The following TMED8 variants were observed in gnomAD, a reference collection of about 807,000 sequenced individuals.
TMED8 encodes the protein transmembrane p24 trafficking protein family member 8.
A neutral mutation model predicts 32.7 loss-of-function variants in TMED8; 15 were observed. The ratio of observed to expected loss-of-function variants is 0.46; its 90% CI spans 0.31 to 0.71. The LOEUF is 0.71. Among genes scored for constraint, TMED8 ranks in the 30% least tolerant of loss-of-function variants. The pLI is 0.06. For missense variants in TMED8, 390 were observed against 423.9 expected (o/e 0.92, Z 0.70); for synonymous variants, 147 against 161.4 (o/e 0.91, Z 0.68).
Position 77,358,475 on chromosome 14 carries a change from T to C in TMED8, c.119-6724A>G, listed in dbSNP as rs554087581. Among the ~76,000 whole-genome samples the C allele has an allele frequency of 2.1e-4, 32 of 152,060 alleles. 1 individual carries two copies. Among genetic ancestry groups the C allele is most frequent in the African/African-American group, 7.5e-4 (31 of 41,480 alleles). On this transcript the variant is annotated intron_variant, in intron 1 of 5. Coordinates refer to ENST00000216468, the MANE Select transcript of TMED8 (RefSeq NM_213601.3). Reference sequence around the variant, plus strand: ...CACCACGCCCAGCTAATTTTTGTATTTTTAGTAGAGACAGGGTTTCACCAT... The same window carrying C: ...CACCACGCCCAGCTAATTTTTGTATCTTTAGTAGAGACAGGGTTTCACCAT...
intron 1 of TMED8, among the ~76,000 whole-genome samples, chr14:77,370,029 G>T (rs1011357988): frequency 3.9e-5 from 6 of 151,986 alleles, no homozygotes; most frequent in African/African-American, 1.4e-4. Context: ...AAAATTAGCC[G>T]GGCGTGGTGG....
At chr14:77,346,569 T>C (rs1473016969) in intron 2 of TMED8, 91 bp from the exon 3 acceptor site, 3 of 1,495,844 alleles carry the variant, frequency 2.0e-6, no homozygotes, top group Non-Finnish European at 2.8e-6. Flanking sequence ...ACATTCGAGA[T>C]ACCCCCTGCC....
In TMED8 at chr14:77,339,855, A is replaced by G. The variant is rs1464678433; in HGVS notation, c.*1916T>C. The stretch of plus-strand genomic sequence containing the variant: ...CTATCCCACTTGGGGCTTTGCTCCG[A>G]GGGGAAGAGCAGGTGCAGGATATAT... On this transcript the variant is annotated 3_prime_UTR_variant, in exon 6 of 6. Transcript: ENST00000216468. The G allele has an allele frequency of 6.6e-6, 1 of 152,210 alleles. No individual in the cohort carries two copies. Among genetic ancestry groups the G allele is most frequent in the Non-Finnish European group, 1.5e-5 (1 of 68,028 alleles). 9.4% of individuals were successfully genotyped at this position (152,210 alleles called of 1,614,324 possible). A position where few individuals can be genotyped will look rare whatever the true frequency, so the allele number is the denominator to read the frequency against.
chr14:77,351,782 ATC>A (rs772073885), intron 1 of TMED8, 31 bp from the exon 2 acceptor site: 1 of 1,554,538 alleles, frequency 6.4e-7, no homozygotes, highest in Non-Finnish European at 8.8e-7. Context: ...AGAATTCAAT[ATC>A]TGAGAGGGAA....
chr14:77,355,964 A>G (rs1466872396), intron 1 of TMED8, among the ~76,000 whole-genome samples: 1 of 152,226 alleles, frequency 6.6e-6, no homozygotes, highest in Non-Finnish European at 1.5e-5. Context: ...ATAAAAGCAG[A>G]TGACTAAGCA....
intron 1 of TMED8, among the ~76,000 whole-genome samples, chr14:77,358,831 T>C (rs1242002237): frequency 1.3e-5 from 2 of 152,222 alleles, no homozygotes; most frequent in Admixed American, 6.5e-5. Context: ...AGGAAATACA[T>C]ATACATATAG....
intron 1 of TMED8, among the ~76,000 whole-genome samples, chr14:77,360,616 T>C (rs781706827): frequency 6.6e-6 from 1 of 152,216 alleles, no homozygotes; most frequent in African/African-American, 2.4e-5. Flanking sequence ...AACGGACACA[T>C]AGATTGTTTT....
intron 1 of TMED8, among the ~76,000 whole-genome samples, chr14:77,372,914 A>T (rs1408056261): frequency 0.21 from 1,845 of 8,744 alleles, 132 homozygotes; most frequent in Admixed American, 0.26. Flanking sequence ...TATTATATAT[A>T]TATATATATA....
chr14:77,347,235 G>A (rs1352079868), intron 2 of TMED8, among the ~76,000 whole-genome samples: 1 of 152,150 alleles, frequency 6.6e-6, no homozygotes, highest in Admixed American at 6.5e-5. Context: ...CTGGCTAGAA[G>A]CAAAAGGAGG....
downstream of TMED8, chr14:77,335,028 G>A (rs1003786412): frequency 6.6e-6 from 1 of 152,146 alleles, no homozygotes; most frequent in Non-Finnish European, 1.5e-5. Context: ...ATGTTACCAG[G>A]TGCATAGTGA....
intron 1 of TMED8, among the ~76,000 whole-genome samples, chr14:77,361,236 C>A (rs1362478702): frequency 6.6e-6 from 1 of 152,146 alleles, no homozygotes; most frequent in African/African-American, 2.4e-5. Flanking sequence ...CCCACCTTGG[C>A]CTCCCAAAGT....
Position 77,338,780 on chromosome 14 carries a change from A to G in TMED8, c.*2991T>C, listed in dbSNP as rs1462425365. The stretch of plus-strand genomic sequence containing the variant: ...ATACTTTTTGGTTTACAATATATTT[A>G]TATTTCTTTTAAGCTGTTTGCTGAA... On this transcript the variant is annotated 3_prime_UTR_variant, in exon 6 of 6. Transcript: ENST00000216468. 1 of 151,548 alleles carries G rather than the reference A, an allele frequency of 6.6e-6. No homozygotes were observed. Among genetic ancestry groups the G allele is most frequent in the African/African-American group, 2.4e-5 (1 of 41,410 alleles). 9.4% of individuals were successfully genotyped at this position (151,548 alleles called of 1,614,324 possible).
intron 1 of TMED8, among the ~76,000 whole-genome samples, chr14:77,362,829 G>A (rs935768418): frequency 2.6e-5 from 4 of 152,114 alleles, no homozygotes; most frequent in Non-Finnish European, 5.9e-5. Context: ...GAGCAGAGGT[G>A]GCTGTACTTA....
At chr14:77,365,727 C>T (rs114346349) in intron 1 of TMED8, among the ~76,000 whole-genome samples, 1,876 of 152,312 alleles carry the variant, frequency 0.012, 40 homozygotes, top group African/African-American at 0.043. Flanking sequence ...AAAGCAGACA[C>T]AGTTCTGGCT....
rs757079769 is a variant in TMED8, at chr14:77,336,964, T to C, written c.*4807A>G. 9.9e-5 allele frequency: 15 copies of C among 152,236 alleles called. No individual in the cohort carries two copies. The highest frequency in any genetic ancestry group is 1.9e-4 in the Non-Finnish European group (13 of 68,046). 9.4% of individuals were successfully genotyped at this position (152,236 alleles called of 1,614,324 possible). On this transcript the variant is annotated 3_prime_UTR_variant, in exon 6 of 6. Coordinates refer to ENST00000216468, the MANE Select transcript of TMED8 (RefSeq NM_213601.3). ...ATTCCCTACAGATTAAGACTTTTTA[T>C]GATAATACCTAATTCTACTGCTTAA...
Position 77,343,160 on chromosome 14 carries a change from G to A in TMED8, c.760+18C>T. The A allele has an allele frequency of 6.2e-7, 1 of 1,606,634 alleles. No individual in the cohort carries two copies. The highest frequency in any genetic ancestry group is 8.5e-7 in the Non-Finnish European group (1 of 1,176,524). ...GATTAAGCCAGAAAACTGCAAATTAGGTTAAAATTAAATTTACCTTCAATC... is the reference window on the plus strand; with the variant it reads ...GATTAAGCCAGAAAACTGCAAATTAAGTTAAAATTAAATTTACCTTCAATC... On this transcript the variant is annotated intron_variant, in intron 5 of 5. Transcript: ENST00000216468.
chr14:77,352,539 G>A (rs1248665688), intron 1 of TMED8, among the ~76,000 whole-genome samples: 1 of 152,068 alleles, frequency 6.6e-6, no homozygotes, highest in Non-Finnish European at 1.5e-5. Flanking sequence ...AGGAGTTCGA[G>A]ACCAGCCTGG....
chr14:77,375,730 A>G (rs759950175), intron 1 of TMED8, among the ~76,000 whole-genome samples: 2 of 152,226 alleles, frequency 1.3e-5, no homozygotes, highest in Admixed American at 6.5e-5. Flanking sequence ...AAAAGGCACC[A>G]TGTTGGAAGC....
Position 77,341,731 on chromosome 14 carries a change from T to TCAGCCAGCAAATACAGCCTGCCC in TMED8, c.*17_*39dup. The TCAGCCAGCAAATACAGCCTGCCC allele has an allele frequency of 6.2e-7, 1 of 1,601,666 alleles. No individual in the cohort carries two copies. The highest frequency in any genetic ancestry group is 8.6e-7 in the Non-Finnish European group (1 of 1,168,936). ...AAGAGGCACCAGCTGGCAGCCTGCT[T>TCAGCCAGCAAATACAGCCTGCCC]CAGCCAGCAAATACAGCCTGCCCCT... On this transcript the variant is annotated 3_prime_UTR_variant, in exon 6 of 6. Coordinates refer to ENST00000216468, the MANE Select transcript of TMED8 (RefSeq NM_213601.3).
Sources: gnomAD v4.1 joint callset for allele counts (sites outside exome capture counted in the v4.1 genomes callset) on GRCh38, gnomAD v4.1.1 for gene constraint, MANE v1.5 for transcripts, NCBI Gene and HGNC (gene_info 2026-07-23, HGNC 2026-07-21) for gene names.